Variants in OPA1 observed in about 807,000 individuals in gnomAD.
OPA1 encodes dynamin-like GTPase OPA1, mitochondrial.
OPA1 carries 59 observed loss-of-function variants against 152.9 expected under a neutral mutation model. The ratio of observed to expected loss-of-function variants is 0.39; its 90% CI spans 0.31 to 0.48. OPA1 has a LOEUF of 0.48. Among genes scored for constraint, OPA1 ranks in the 20% least tolerant of loss-of-function variants. The pLI is 0.96. For missense variants in OPA1, 1,008 were observed against 1,216.8 expected (o/e 0.83, Z 2.55); for synonymous variants, 400 against 389.9 (o/e 1.03, Z -0.31).
intron 30 of OPA1, among the ~76,000 whole-genome samples, chr3:193,693,991 G>GT (rs1025190764): frequency 4.6e-5 from 7 of 152,034 alleles, no homozygotes; most frequent in South Asian, 2.1e-4. Context: ...CTGTATTTCT[G>GT]TTTTTTTAAC....
rs139207741 is a variant in OPA1, at chr3:193,642,991, A to T, written c.1247A>T (p.His416Leu). 1 of 1,613,918 alleles carries T rather than the reference A, an allele frequency of 6.2e-7. No individual in the cohort carries two copies. Among genetic ancestry groups the T allele is most frequent in the Admixed American group, 1.7e-5 (1 of 60,034 alleles). Reference sequence around the variant, plus strand: ...TTCCATTAGCTTGCAGCATTAAGACATGAAATAGAACTTCGAATGAGGAAA... The same window carrying T: ...TTCCATTAGCTTGCAGCATTAAGACTTGAAATAGAACTTCGAATGAGGAAA... ...TKEEDLAALR[H>L]EIELRMRKNV... is the part of the protein sequence containing the mutation. The change falls in exon 13 of 31, where the codon CAT becomes CTT. Residue 416 changes from histidine to leucine, a missense_variant. Around this residue, in one of 7 missense-constraint regions of OPA1, gnomAD observed 213 missense variants for 291.4 expected, o/e 0.73. Transcript: ENST00000361510.
intron 1 of OPA1, among the ~76,000 whole-genome samples, chr3:193,605,827 C>A (rs1560314024): frequency 6.6e-6 from 1 of 152,150 alleles, no homozygotes; most frequent in African/African-American, 2.4e-5. Context: ...GATATGGGAA[C>A]CTCTGGAACT....
intron 4 of OPA1, among the ~76,000 whole-genome samples, 185 bp downstream of exon 4, chr3:193,617,470 A>G (rs968162681): frequency 1.3e-5 from 2 of 152,234 alleles, no homozygotes; most frequent in South Asian, 4.1e-4. Flanking sequence ...TGTGTAGCCC[A>G]GTAAAATGAC....
intron 1 of OPA1, among the ~76,000 whole-genome samples, chr3:193,605,100 C>T (rs1055209781): frequency 1.3e-5 from 2 of 152,000 alleles, no homozygotes; most frequent in African/African-American, 4.8e-5. Flanking sequence ...TTCAGTAAAC[C>T]CTTGTGGCAT....
At chr3:193,667,068 A>G (rs1351532616) in intron 28 of OPA1, 102 bp from the exon 29 acceptor site, 6 of 696,816 alleles carry the variant, frequency 8.6e-6, no homozygotes, top group Admixed American at 2.1e-5. Flanking sequence ...AATAGTTCTA[A>G]CATGATAAAA....
chr3:193,664,736 A>G, intron 26 of OPA1, 144 bp from the exon 27 acceptor site: 1 of 604,028 alleles, frequency 1.7e-6, no homozygotes, highest in Non-Finnish European at 3.0e-6. Context: ...GAATAAAAAA[A>G]TTTGAATAAC....
intron 7 of OPA1, among the ~76,000 whole-genome samples, chr3:193,631,350 A>T (rs1411168427): frequency 6.6e-6 from 1 of 152,206 alleles, no homozygotes; most frequent in South Asian, 2.1e-4. Context: ...CTAGTCTTTC[A>T]TAAGAAATGA....
chr3:193,690,577 G>C (rs1403263044), intron 29 of OPA1, among the ~76,000 whole-genome samples: 3 of 152,060 alleles, frequency 2.0e-5, no homozygotes, highest in African/African-American at 7.2e-5. Flanking sequence ...ATATCCAACC[G>C]TGGTAGGCTT....
At chr3:193,651,909 A>T (rs1577274009) in intron 21 of OPA1, among the ~76,000 whole-genome samples, 1 of 36,558 alleles carries the variant, frequency 2.7e-5, no homozygotes, top group Non-Finnish European at 5.2e-5. Flanking sequence ...ACTTTAAAAT[A>T]AAAAAAAATC....
At chr3:193,625,422 A>G (rs1020913271) in intron 6 of OPA1, among the ~76,000 whole-genome samples, 1 of 152,102 alleles carries the variant, frequency 6.6e-6, no homozygotes, top group Admixed American at 6.5e-5. Context: ...TTTCTATTTA[A>G]TGTTGTCAAA....
At chr3:193,614,148 G>A (rs1453715644) in intron 1 of OPA1, among the ~76,000 whole-genome samples, 1 of 152,182 alleles carries the variant, frequency 6.6e-6, no homozygotes, top group African/African-American at 2.4e-5. Flanking sequence ...GGGGATCCAG[G>A]TGCTTGAGTT....
intron 29 of OPA1, among the ~76,000 whole-genome samples, chr3:193,687,234 C>A (rs1721046908): frequency 6.6e-6 from 1 of 152,152 alleles, no homozygotes; most frequent in African/African-American, 2.4e-5. Flanking sequence ...GAAGGAACTT[C>A]ATTCACTGAG....
intron 29 of OPA1, chr3:193,668,480 G>T (rs73069731): frequency 6.4e-7 from 1 of 1,550,830 alleles, no homozygotes; most frequent in African/African-American, 1.4e-5. Context: ...GACGCTTTGT[G>T]CCAGGTGCCT....
At chr3:193,635,665 T>G (rs547312217) in intron 9 of OPA1, 143 bp downstream of exon 9, 2 of 638,672 alleles carry the variant, frequency 3.1e-6, no homozygotes, top group Admixed American at 5.2e-5. Context: ...GAGGATCTCT[T>G]CCTATATTAA....
intron 4 of OPA1, 114 bp downstream of exon 4, chr3:193,617,399 A>C: frequency 2.9e-6 from 2 of 684,468 alleles, no homozygotes; most frequent in Non-Finnish European, 2.6e-6. Flanking sequence ...GTACCAATGA[A>C]AAACAGGACA....
At chr3:193,665,852 C>A (rs750929492) in intron 27 of OPA1, among the ~76,000 whole-genome samples, 28 of 152,100 alleles carry the variant, frequency 1.8e-4, no homozygotes, top group Middle Eastern at 3.2e-3. Flanking sequence ...GAATAAGCTT[C>A]TTTTTAAATA....
chr3:193,663,206 A>G (rs984902499), intron 26 of OPA1, among the ~76,000 whole-genome samples: 2 of 152,170 alleles, frequency 1.3e-5, no homozygotes, highest in East Asian at 1.9e-4. Flanking sequence ...GGCAAGTTCA[A>G]TGGTCAACAG....
intron 1 of OPA1, among the ~76,000 whole-genome samples, chr3:193,597,690 C>CA (rs75168011): frequency 0.062 from 4,954 of 80,098 alleles, 112 homozygotes; most frequent in Non-Finnish European, 0.071. Flanking sequence ...GACTCCGTTT[C>CA]AAAAAAAAAA....
chr3:193,691,961 TCCCG>T, intron 29 of OPA1, 98 bp from the exon 30 acceptor site: 1 of 706,584 alleles, frequency 1.4e-6, no homozygotes. Context: ...TTTTTCTTTT[TCCCG>T]CAAATAGTTA....
Sources: gnomAD v4.1 joint callset for allele counts (sites outside exome capture counted in the v4.1 genomes callset) on GRCh38, gnomAD v4.1.1 for gene constraint, gnomAD v4.1.1 regional missense constraint, MANE v1.5 for transcripts, NCBI Gene and HGNC (gene_info 2026-07-23, HGNC 2026-07-21) for gene names.